The following MAP4K3 variants were observed in gnomAD, a reference collection of about 807,000 sequenced individuals.
MAP4K3 encodes MAPK/ERK kinase kinase kinase 3.
Under a neutral mutation model 143.5 loss-of-function variants are expected in MAP4K3, and 94 were observed. The observed-to-expected ratio is 0.65, with a 90% CI of 0.55 to 0.78. MAP4K3 has a LOEUF of 0.78. Ranked by LOEUF, MAP4K3 falls within the 30% of genes least tolerant of loss-of-function variation. MAP4K3 has a pLI of 0.00. For synonymous variants in MAP4K3, 416 were observed against 347.2 expected (o/e 1.20, Z -2.20); for missense variants, 1,077 against 1,068.1 (o/e 1.01, Z -0.12).
At chr2:39,254,946 T>C (rs11124668) in intron 31 of MAP4K3, among the ~76,000 whole-genome samples, 133,743 of 152,110 alleles carry the variant, frequency 0.88, 59,030 homozygotes, top group Non-Finnish European at 0.92. Flanking sequence ...TATACGTGTA[T>C]CCACCACCCA....
chr2:39,267,138 G>T (rs368878887), intron 27 of MAP4K3, 51 bp downstream of exon 27: 4 of 1,560,452 alleles, frequency 2.6e-6, no homozygotes, highest in South Asian at 2.2e-5. Context: ...TTTTATGCCA[G>T]ATTTTAGGAG....
Position 39,272,497 on chromosome 2 carries a change from A to G in MAP4K3, c.1840T>C (p.Leu614=), listed in dbSNP as rs1444507163. ...ATATACTTACCAGATATTGATAGCA[A>G]GCAATTGTTCATTACATACAACCAT... The part of the protein sequence containing the change: ...CTWLYVMNNC[L]LSISGKASQL... Residue 614 remains leucine (L), a synonymous_variant, in exon 25 of 34, where the codon TTG becomes CTG. Coordinates refer to ENST00000263881, the MANE Select transcript of MAP4K3 (RefSeq NM_003618.4). 6.2e-7 allele frequency: 1 copy of G among 1,613,446 alleles called. No individual in the cohort carries two copies. The highest frequency in any genetic ancestry group is 8.5e-7 in the Non-Finnish European group (1 of 1,179,530).
chr2:39,324,240 C>T (rs1014497163), intron 12 of MAP4K3, among the ~76,000 whole-genome samples: 1 of 152,086 alleles, frequency 6.6e-6, no homozygotes. Context: ...AACCCCATCT[C>T]TACTAAAAAT....
chr2:39,314,869 T>G (rs1420491347), intron 13 of MAP4K3, among the ~76,000 whole-genome samples: 1 of 152,196 alleles, frequency 6.6e-6, no homozygotes, highest in African/African-American at 2.4e-5. Context: ...GTTTCCAGGT[T>G]ACTCAGATGC....
chr2:39,412,434 AGCT>A (rs1667257571), intron 1 of MAP4K3, among the ~76,000 whole-genome samples: 1 of 152,220 alleles, frequency 6.6e-6, no homozygotes, highest in African/African-American at 2.4e-5. Flanking sequence ...GATCCCACGA[AGCT>A]TACATTCCAG....
intron 14 of MAP4K3, among the ~76,000 whole-genome samples, chr2:39,308,780 A>G (rs377142692): frequency 6.6e-6 from 1 of 152,160 alleles, no homozygotes; most frequent in East Asian, 1.9e-4. Context: ...CATGCAAAGT[A>G]TATTCATAAA....
chr2:39,287,423 AAG>A (rs1681839714), intron 20 of MAP4K3, among the ~76,000 whole-genome samples: 1 of 151,476 alleles, frequency 6.6e-6, no homozygotes, highest in African/African-American at 2.4e-5. Context: ...TTAGTCTCCC[AAG>A]TAGCTGGGAT....
intron 1 of MAP4K3, among the ~76,000 whole-genome samples, chr2:39,385,014 CT>C (rs919633742): frequency 3.3e-5 from 5 of 152,180 alleles, no homozygotes; most frequent in African/African-American, 1.2e-4. Flanking sequence ...TCTTTAGACT[CT>C]TCTTTCACCA....
chr2:39,272,578 A>G (rs1681074732), intron 24 of MAP4K3, 36 bp from the exon 25 acceptor site: 17 of 1,538,170 alleles, frequency 1.1e-5, no homozygotes, highest in Non-Finnish European at 1.5e-5. Context: ...ACAAAGAATA[A>G]TACATAATGG....
chr2:39,275,676 C>T (rs1681219222), intron 24 of MAP4K3, among the ~76,000 whole-genome samples: 1 of 152,040 alleles, frequency 6.6e-6, no homozygotes, highest in Non-Finnish European at 1.5e-5. Context: ...GATCCTTTTC[C>T]TCCCTTTCCC....
intron 1 of MAP4K3, among the ~76,000 whole-genome samples, chr2:39,433,066 T>TA (rs1455627336): frequency 1.3e-5 from 2 of 152,244 alleles, no homozygotes; most frequent in Non-Finnish European, 2.9e-5. Flanking sequence ...TTCTTTACCA[T>TA]AGGACTTCTC....
intron 21 of MAP4K3, 29 bp from the exon 22 acceptor site, chr2:39,282,583 C>CT (rs770837138): frequency 1.2e-5 from 18 of 1,524,782 alleles, no homozygotes; most frequent in Admixed American, 8.6e-5. Flanking sequence ...TATGATTACA[C>CT]TTTTTTTGCT....
At position 39,272,420 on chromosome 2, in the gene MAP4K3, T is replaced by C. The variant is rs965485694; in HGVS notation, c.1856-20A>G. 7 of 1,603,098 alleles carry C rather than the reference T, an allele frequency of 4.4e-6. No individual in the cohort carries two copies. The South Asian group carries it at 4.4e-5, about 10-fold the overall frequency. On this transcript the variant is annotated intron_variant, in intron 25 of 33. Coordinates refer to ENST00000263881, the MANE Select transcript of MAP4K3 (RefSeq NM_003618.4). ...CTTTACCTATAAAGAAAAACAGATATGACATAAAAGCTAATAATAAATAGT... is the reference window on the plus strand; with the variant it reads ...CTTTACCTATAAAGAAAAACAGATACGACATAAAAGCTAATAATAAATAGT...
chr2:39,306,862 T>C (rs1016051436), intron 15 of MAP4K3, among the ~76,000 whole-genome samples: 6 of 152,180 alleles, frequency 3.9e-5, no homozygotes, highest in Non-Finnish European at 7.3e-5. Context: ...CTCTTCTCCT[T>C]CTCTCATCTC....
intron 2 of MAP4K3, among the ~76,000 whole-genome samples, chr2:39,360,646 C>T (rs1665741237): frequency 1.3e-5 from 2 of 152,262 alleles, no homozygotes. Context: ...AACTGACTCA[C>T]AGTGTGGCAT....
intron 1 of MAP4K3, among the ~76,000 whole-genome samples, chr2:39,421,955 TA>T (rs1265901769): frequency 2.0e-5 from 3 of 151,916 alleles, no homozygotes; most frequent in Non-Finnish European, 4.4e-5. Flanking sequence ...TCTGAACTTT[TA>T]TTGGGAATTA....
intron 1 of MAP4K3, among the ~76,000 whole-genome samples, chr2:39,380,403 CACACAAA>C (rs1666328383): frequency 6.6e-6 from 1 of 152,096 alleles, no homozygotes; most frequent in African/African-American, 2.4e-5. Flanking sequence ...GTCAAGGTTA[CACACAAA>C]GGTAAATTTA....
chr2:39,366,145 T>C (rs572968683), intron 2 of MAP4K3, among the ~76,000 whole-genome samples: 11 of 152,064 alleles, frequency 7.2e-5, no homozygotes, highest in Non-Finnish European at 1.2e-4. Flanking sequence ...CCTGAGAACA[T>C]ATGCCCAAGG....
At position 39,307,968 on chromosome 2, in the gene MAP4K3, A is replaced by G; in HGVS notation, c.1094T>C (p.Ile365Thr). 6.3e-7 allele frequency: 1 copy of G among 1,593,710 alleles called. No homozygotes were observed. The highest frequency in any genetic ancestry group is 8.5e-7 in the Non-Finnish European group (1 of 1,170,676). The change falls in exon 15 of 34, where the codon ATA becomes ACA. Residue 365 changes from isoleucine to threonine, a missense_variant. Transcript: ENST00000263881. ...SDGFLDSSEEIYYTARSNLDL... is the reference protein window; with the variant it reads ...SDGFLDSSEETYYTARSNLDL... ...CAGATTAGATCTTGCAGTGTAGTAT[A>G]TTTCTTCTGAACTGTCCAAAAAACC...
Sources: allele counts gnomAD v4.1 joint callset (sites outside exome capture counted in the v4.1 genomes callset), GRCh38; gene constraint gnomAD v4.1.1; transcripts MANE v1.5; gene names NCBI Gene and HGNC (gene_info 2026-07-23, HGNC 2026-07-21).